TSHZ2: variants seen among roughly 807,000 people sequenced by gnomAD.
The protein encoded by TSHZ2 is teashirt homolog 2.
In TSHZ2, 21 loss-of-function variants were observed where a neutral mutation model predicts 74.4. The ratio of observed to expected loss-of-function variants is 0.28; its 90% CI spans 0.20 to 0.41. The LOEUF (loss-of-function observed/expected upper bound fraction) is 0.41, where lower values mean the gene tolerates loss of function less well. TSHZ2 is among the 10% of genes least tolerant of loss of function. The pLI, the probability that TSHZ2 is intolerant of heterozygous loss-of-function variation, is 1.00. For synonymous variants in TSHZ2, 540 were observed against 515.3 expected (o/e 1.05, Z -0.65); for missense variants, 1,244 against 1,293.5 (o/e 0.96, Z 0.59).
intron 1 of TSHZ2, among the ~76,000 whole-genome samples, chr20:53,226,142 ACACACACACACACACACATG>A (rs1015174495): frequency 2.8e-4 from 22 of 79,148 alleles, no homozygotes; most frequent in Non-Finnish European, 5.0e-4. Flanking sequence ...ACACACACAC[ACACACACACACACACACATG>A]CACACAAACA....
rs1042160183 is a variant in TSHZ2, at chr20:53,277,642, T to C, written c.*8+21071T>C. Among the ~76,000 whole-genome samples, 14 of 152,332 alleles carry C rather than the reference T, an allele frequency of 9.2e-5. 1 individual carries two copies. Among genetic ancestry groups the C allele is most frequent in the East Asian group, 3.9e-4 (2 of 5,190 alleles). ...GGCAAACGTGGACCAGCTCCAGGGT[T>C]ATATCCTATCAGTTTAGATGCACCA... On this transcript the variant is annotated intron_variant, in intron 2 of 2. Transcript: ENST00000371497.
chr20:52,987,525 T>C (rs554381416), intron 1 of TSHZ2, among the ~76,000 whole-genome samples: 4 of 151,328 alleles, frequency 2.6e-5, no homozygotes, highest in African/African-American at 9.7e-5. Flanking sequence ...CTCTCTCTTC[T>C]CTCTCTCCTC....
rs1204011273 is a variant in TSHZ2 at position 53,478,479 on chromosome 20, A to T, written c.*9-8665A>T. 2.1e-3 allele frequency among the ~76,000 whole-genome samples: 270 copies of T among 130,318 alleles called. 7 individuals carry two copies. In the Admixed American group the frequency reaches 0.021, roughly 10 times the overall value. 85.5% of individuals were successfully genotyped at this position (130,318 alleles called of 152,430 possible). A position where few individuals can be genotyped will look rare whatever the true frequency, so the allele number is the denominator to read the frequency against. On this transcript the variant is annotated intron_variant, in intron 2 of 2. Transcript: ENST00000371497. ...TTGAACAATGAGATCACATGGACAC[A>T]GGAAGGGGAATATCACACTCTGGGG...
At chr20:53,042,530 A>G (rs1984078373) in intron 1 of TSHZ2, among the ~76,000 whole-genome samples, 1 of 152,158 alleles carries the variant, frequency 6.6e-6, no homozygotes, top group Non-Finnish European at 1.5e-5. Flanking sequence ...GGATGAGGAA[A>G]GTGAGTTTAA....
At chr20:53,116,211 C>T (rs991065750) in intron 1 of TSHZ2, among the ~76,000 whole-genome samples, 1 of 152,148 alleles carries the variant, frequency 6.6e-6, no homozygotes, top group Non-Finnish European at 1.5e-5. Flanking sequence ...TTATATCATA[C>T]TATTTTAAAT....
At chr20:53,119,822 C>A (rs1986763148) in intron 1 of TSHZ2, among the ~76,000 whole-genome samples, 1 of 152,122 alleles carries the variant, frequency 6.6e-6, no homozygotes, top group Admixed American at 6.5e-5. Flanking sequence ...CTTCGTAAAG[C>A]TTTATTTCTT....
At chr20:53,144,292 A>G (rs1987484740) in intron 1 of TSHZ2, among the ~76,000 whole-genome samples, 1 of 152,172 alleles carries the variant, frequency 6.6e-6, no homozygotes, top group Non-Finnish European at 1.5e-5. Flanking sequence ...CCCAGACAGG[A>G]AGGGGATTTG....
intron 1 of TSHZ2, among the ~76,000 whole-genome samples, chr20:53,183,400 C>T (rs1988528156): frequency 2.0e-5 from 3 of 152,196 alleles, no homozygotes; most frequent in Admixed American, 2.0e-4. Context: ...TCATATTAGC[C>T]TGGCCCATTC....
At chr20:53,153,438 T>G (rs1286425745) in intron 1 of TSHZ2, among the ~76,000 whole-genome samples, 1 of 152,162 alleles carries the variant, frequency 6.6e-6, no homozygotes, top group African/African-American at 2.4e-5. Flanking sequence ...TATTGGGATG[T>G]TACAGTTCTT....
intron 2 of TSHZ2, among the ~76,000 whole-genome samples, chr20:53,446,900 T>G (rs577637917): frequency 3.9e-4 from 60 of 152,242 alleles, no homozygotes; most frequent in African/African-American, 1.3e-3. Context: ...CCACTCATGG[T>G]TCACCCTTCA....
chr20:53,358,884 G>A (rs537535264), intron 2 of TSHZ2, among the ~76,000 whole-genome samples: 4 of 152,082 alleles, frequency 2.6e-5, no homozygotes, highest in East Asian at 1.9e-4. Context: ...TGAAGTGACC[G>A]CTTTGAATAT....
chr20:53,488,258 G>T lies in TSHZ2; in HGVS notation c.*1123G>T, dbSNP rs376939166. 5.3e-5 allele frequency: 8 copies of T among 152,074 alleles called. No individual in the cohort carries two copies. Among genetic ancestry groups the T allele is most frequent in the African/African-American group, 1.9e-4 (8 of 41,428 alleles). 9.4% of individuals were successfully genotyped at this position (152,074 alleles called of 1,614,324 possible). A position where few individuals can be genotyped will look rare whatever the true frequency, so the allele number is the denominator to read the frequency against. ...AAAAGCCCGTTAAAGTTAATTTAACGTAAAAATTCCAATAGAACTGTATTA... is the reference window on the plus strand; with the variant it reads ...AAAAGCCCGTTAAAGTTAATTTAACTTAAAAATTCCAATAGAACTGTATTA... On this transcript the variant is annotated 3_prime_UTR_variant, in exon 3 of 3. Coordinates refer to ENST00000371497, the MANE Select transcript of TSHZ2 (RefSeq NM_173485.6).
At chr20:53,069,857 A>G (rs1377800343) in intron 1 of TSHZ2, among the ~76,000 whole-genome samples, 4 of 152,144 alleles carry the variant, frequency 2.6e-5, no homozygotes, top group African/African-American at 4.8e-5. Context: ...ATAATGAAAT[A>G]TTGATCTGTT....
chr20:53,018,747 T>G (rs913004232), intron 1 of TSHZ2, among the ~76,000 whole-genome samples: 18 of 152,208 alleles, frequency 1.2e-4, no homozygotes, highest in Non-Finnish European at 1.9e-4. Flanking sequence ...GGTTTCATTT[T>G]GCATACCATA....
intron 2 of TSHZ2, among the ~76,000 whole-genome samples, chr20:53,388,932 C>A (rs1049093214): frequency 6.6e-6 from 1 of 152,184 alleles, no homozygotes; most frequent in African/African-American, 2.4e-5. Context: ...AAATTGTGTA[C>A]CCACTACATG....
chr20:53,089,205 T>A (rs547059574), intron 1 of TSHZ2, among the ~76,000 whole-genome samples: 8 of 151,114 alleles, frequency 5.3e-5, no homozygotes, highest in African/African-American at 1.9e-4. Flanking sequence ...AAATAAATGT[T>A]AGCTCATAAA....
In TSHZ2 at chr20:53,425,800, T is replaced by C. The variant is rs1403745616; in HGVS notation, c.*9-61344T>C. Among the ~76,000 whole-genome samples, 3 of 145,266 alleles carry C rather than the reference T, an allele frequency of 2.1e-5. No homozygotes were observed. In the East Asian group the frequency reaches 6.5e-4, roughly 31 times the overall value. ...GTGTTTATGTCATAAAACGTTCTTT[T>C]GTTTTTTTTTTTCTCACCATCTAAA... is the stretch of plus-strand genomic sequence containing the variant. On this transcript the variant is annotated intron_variant, in intron 2 of 2. Transcript: ENST00000371497.
intron 2 of TSHZ2, among the ~76,000 whole-genome samples, chr20:53,392,575 A>G (rs143472926): frequency 8.8e-4 from 134 of 152,350 alleles, no homozygotes; most frequent in African/African-American, 3.0e-3. Flanking sequence ...GTATAAATCC[A>G]CATTGCATGG....
chr20:53,417,350 G>A (rs1983306425), intron 2 of TSHZ2, among the ~76,000 whole-genome samples: 1 of 151,810 alleles, frequency 6.6e-6, no homozygotes, highest in South Asian at 2.1e-4. Context: ...AGGCTGGAGT[G>A]CAGTGGCACA....
Sources: gnomAD v4.1 joint callset for allele counts (sites outside exome capture counted in the v4.1 genomes callset) on GRCh38, gnomAD v4.1.1 for gene constraint, MANE v1.5 for transcripts, NCBI Gene and HGNC (gene_info 2026-07-23, HGNC 2026-07-21) for gene names.